ADAMTSL3: variants seen among roughly 807,000 people sequenced by gnomAD.
ADAMTSL3 encodes the protein ADAMTS-like protein 3.
Under a neutral mutation model 201.7 loss-of-function variants are expected in ADAMTSL3, and 128 were observed. The ratio of observed to expected loss-of-function variants is 0.63; its 90% CI spans 0.55 to 0.73. The LOEUF (loss-of-function observed/expected upper bound fraction) is 0.73. Ranked by LOEUF, ADAMTSL3 falls within the 30% of genes least tolerant of loss-of-function variation. The probability of loss-of-function intolerance (pLI) is 0.00; values close to 1 mark genes in which losing one functional copy is unlikely to be tolerated. For missense variants in ADAMTSL3, 1,990 were observed against 2,119.6 expected (o/e 0.94, Z 1.20); for synonymous variants, 738 against 748.4 (o/e 0.99, Z 0.23).
At chr15:83,824,396 T>A (rs1388659150) in intron 6 of ADAMTSL3, among the ~76,000 whole-genome samples, 1 of 152,070 alleles carries the variant, frequency 6.6e-6, no homozygotes, top group Non-Finnish European at 1.5e-5. Context: ...CCCCCCTGCT[T>A]CCTTAAACGC....
chr15:83,814,347 G>A (rs570483472), intron 5 of ADAMTSL3, among the ~76,000 whole-genome samples: 2 of 152,138 alleles, frequency 1.3e-5, no homozygotes, highest in East Asian at 3.9e-4. Flanking sequence ...CCCCTCCGTG[G>A]ATCCTTATTG....
At chr15:83,780,228 G>T (rs1970083625) in intron 4 of ADAMTSL3, among the ~76,000 whole-genome samples, 1 of 152,036 alleles carries the variant, frequency 6.6e-6, no homozygotes, top group South Asian at 2.1e-4. Flanking sequence ...TGACCAACAT[G>T]GTGAAACCCT....
intron 13 of ADAMTSL3, among the ~76,000 whole-genome samples, chr15:83,893,508 A>G (rs1376815813): frequency 6.6e-6 from 1 of 152,198 alleles, no homozygotes; most frequent in Non-Finnish European, 1.5e-5. Flanking sequence ...GGAAATGCTG[A>G]CACGACATGA....
chr15:83,660,288 T>G (rs190652388), intron 2 of ADAMTSL3, among the ~76,000 whole-genome samples: 3 of 152,298 alleles, frequency 2.0e-5, no homozygotes, highest in Admixed American at 2.0e-4. Flanking sequence ...ACCATCCAAG[T>G]TCCCCCAGTT....
At chr15:83,866,783 G>C (rs1004029184) in intron 8 of ADAMTSL3, among the ~76,000 whole-genome samples, 3 of 151,966 alleles carry the variant, frequency 2.0e-5, no homozygotes, top group Non-Finnish European at 4.4e-5. Flanking sequence ...AAGTAAAGGT[G>C]AACACTTTGA....
chr15:83,702,544 G>A (rs1289469788), intron 2 of ADAMTSL3, among the ~76,000 whole-genome samples: 1 of 152,186 alleles, frequency 6.6e-6, no homozygotes, highest in Non-Finnish European at 1.5e-5. Flanking sequence ...GGTGCCCTGT[G>A]TCCCAGCTGC....
intron 8 of ADAMTSL3, among the ~76,000 whole-genome samples, chr15:83,860,527 A>G (rs1448438932): frequency 1.3e-5 from 2 of 152,244 alleles, no homozygotes; most frequent in Non-Finnish European, 2.9e-5. Context: ...CAAAGTATAT[A>G]TGGAAAAGAT....
rs149747987 is a variant in ADAMTSL3, at chr15:83,947,133, C to T, written c.2490+4051C>T. Among the ~76,000 whole-genome samples the T allele has an allele frequency of 3.2e-4, 48 of 152,314 alleles. No homozygotes were observed. In the East Asian group the frequency reaches 7.1e-3, roughly 23 times the overall value. On this transcript the variant is annotated intron_variant, in intron 19 of 29. Transcript: ENST00000286744. The stretch of plus-strand genomic sequence containing the variant: ...GGCAGAGACTCTGATACCAAATTGC[C>T]ACCCTTCTTAAAGCTTCCTGCCAAA...
At chr15:83,921,297 C>T (rs1184172122) in intron 16 of ADAMTSL3, among the ~76,000 whole-genome samples, 3 of 152,102 alleles carry the variant, frequency 2.0e-5, no homozygotes, top group African/African-American at 2.4e-5. Context: ...ATAGAGGATC[C>T]GTTTTTGTTA....
chr15:83,738,932 A>AT (rs1380562462), intron 3 of ADAMTSL3, among the ~76,000 whole-genome samples: 1 of 149,358 alleles, frequency 6.7e-6, no homozygotes, highest in Non-Finnish European at 1.5e-5. Flanking sequence ...ATTAGTTATT[A>AT]TTTCCAGTCC....
chr15:83,976,781 C>T (rs2067295732), intron 20 of ADAMTSL3, among the ~76,000 whole-genome samples: 4 of 152,224 alleles, frequency 2.6e-5, no homozygotes, highest in Admixed American at 1.3e-4. Flanking sequence ...GATGAAGCTT[C>T]GCTCACTGGC....
rs141192760 is a variant in ADAMTSL3, at chr15:83,778,510, C to A, written c.317+4860C>A. On this transcript the variant is annotated intron_variant, in intron 4 of 29. Transcript: ENST00000286744. ...TTCCAACCCAGAATTTCATATCCAG[C>A]CAAATTAAGCTTCATAAGTGAATGA... Among the ~76,000 whole-genome samples, 6 of 152,230 alleles carry A rather than the reference C, an allele frequency of 3.9e-5. No homozygotes were observed. In the East Asian group the frequency reaches 1.2e-3, roughly 29 times the overall value.
intron 19 of ADAMTSL3, among the ~76,000 whole-genome samples, chr15:83,943,414 C>T (rs2066600449): frequency 6.6e-6 from 1 of 152,154 alleles, no homozygotes; most frequent in Non-Finnish European, 1.5e-5. Flanking sequence ...TCCTTGTGTC[C>T]TCCCATGTGG....
intron 7 of ADAMTSL3, among the ~76,000 whole-genome samples, chr15:83,849,875 A>C (rs1260418726): frequency 6.6e-6 from 1 of 152,240 alleles, no homozygotes; most frequent in Non-Finnish European, 1.5e-5. Flanking sequence ...ATGTAAAGAA[A>C]AATCCCCTGT....
intron 2 of ADAMTSL3, among the ~76,000 whole-genome samples, chr15:83,673,890 A>G (rs1350906095): frequency 6.6e-6 from 1 of 152,188 alleles, no homozygotes; most frequent in African/African-American, 2.4e-5. Context: ...TGTATTCAGC[A>G]TTTAGAATTC....
At chr15:83,932,513 T>G (rs1467638331) in intron 17 of ADAMTSL3, among the ~76,000 whole-genome samples, 2 of 152,046 alleles carry the variant, frequency 1.3e-5, no homozygotes, top group Non-Finnish European at 2.9e-5. Context: ...TCTACCTCAA[T>G]GGAAAGGCAA....
intron 27 of ADAMTSL3, 52 bp downstream of exon 27, chr15:84,025,488 G>A (rs2068289085): frequency 6.5e-7 from 1 of 1,533,268 alleles, no homozygotes; most frequent in Non-Finnish European, 8.8e-7. Flanking sequence ...CACACAGATA[G>A]TGTGATAATA....
intron 28 of ADAMTSL3, among the ~76,000 whole-genome samples, chr15:84,036,397 GA>G (rs928919928): frequency 1.3e-5 from 2 of 152,202 alleles, no homozygotes; most frequent in Admixed American, 6.5e-5. Context: ...TCTTGTTAAT[GA>G]ATTTGAGGTG....
At chr15:83,881,809 C>T (rs2065276904) in intron 9 of ADAMTSL3, among the ~76,000 whole-genome samples, 1 of 151,886 alleles carries the variant, frequency 6.6e-6, no homozygotes, top group East Asian at 1.9e-4. Context: ...GAGCTGAGAT[C>T]GCACCACTGT....
Sources: allele counts gnomAD v4.1 joint callset (sites outside exome capture counted in the v4.1 genomes callset), GRCh38; gene constraint gnomAD v4.1.1; transcripts MANE v1.5; gene names NCBI Gene and HGNC (gene_info 2026-07-23, HGNC 2026-07-21).